CHD7: variants seen among roughly 807,000 people sequenced by gnomAD.
The protein encoded by CHD7 is chromodomain helicase DNA binding protein 7, also known as ATP-dependent chromatin remodeler CHD7.
A neutral mutation model predicts 307.3 loss-of-function variants in CHD7; 24 were observed. That is an observed-to-expected ratio of 0.08 (90% CI 0.06 to 0.11). The LOEUF is 0.11. CHD7 is among the 10% of genes least tolerant of loss of function. The pLI is 1.00. For missense variants in CHD7, 3,106 were observed against 3,727.1 expected (o/e 0.83, Z 4.34); for synonymous variants, 1,363 against 1,349.9 (o/e 1.01, Z -0.21).
chr8:60,700,310 A>G (rs1806697998), intron 1 of CHD7, among the ~76,000 whole-genome samples: 1 of 152,200 alleles, frequency 6.6e-6, no homozygotes, highest in Non-Finnish European at 1.5e-5. Context: ...TTACCATCTT[A>G]GAGTAATTAT....
At chr8:60,797,792 G>A (rs1812101366) in intron 4 of CHD7, among the ~76,000 whole-genome samples, 2 of 152,164 alleles carry the variant, frequency 1.3e-5, no homozygotes, top group South Asian at 4.1e-4. Context: ...GAAATTGGTG[G>A]TCCAGAAGTG....
chr8:60,737,651 A>G (rs1019259115), intron 1 of CHD7, among the ~76,000 whole-genome samples: 1 of 152,214 alleles, frequency 6.6e-6, no homozygotes, highest in African/African-American at 2.4e-5. Context: ...TTTAGTTCAC[A>G]TCTCAGAAAA....
At chr8:60,841,603 G>A in intron 19 of CHD7, 41 bp from the exon 20 acceptor site, 1 of 1,480,518 alleles carries the variant, frequency 6.8e-7, no homozygotes, top group Non-Finnish European at 9.4e-7. Context: ...CTGCTTCTGA[G>A]AAAGGCCTCT....
intron 1 of CHD7, among the ~76,000 whole-genome samples, chr8:60,732,721 A>AT (rs781762575): frequency 1.3e-5 from 2 of 152,186 alleles, no homozygotes; most frequent in Non-Finnish European, 2.9e-5. Flanking sequence ...ATTAAGCAAG[A>AT]TACATACTAG....
At chr8:60,811,329 A>G (rs1042399028) in intron 7 of CHD7, among the ~76,000 whole-genome samples, 6 of 152,188 alleles carry the variant, frequency 3.9e-5, no homozygotes, top group African/African-American at 9.7e-5. Flanking sequence ...ATTCCTGCTT[A>G]CTTCCTTACT....
intron 3 of CHD7, among the ~76,000 whole-genome samples, chr8:60,785,009 G>A (rs908410718): frequency 6.6e-6 from 1 of 152,092 alleles, no homozygotes; most frequent in African/African-American, 2.4e-5. Flanking sequence ...AAATAACAGC[G>A]AAAACATTTG....
rs80181206 is a variant in CHD7 at position 60,847,956 on chromosome 8, C to T, written c.5211-559C>T. ...AGCAAGGACACACCTTCTACCCCAC[C>T]CTGTCACCATCTTCCTTTCTCGGAA... On this transcript the variant is annotated intron_variant, in intron 23 of 37. Coordinates refer to ENST00000423902, the MANE Select transcript of CHD7 (RefSeq NM_017780.4). Among the ~76,000 whole-genome samples, 8 of 152,076 alleles carry T rather than the reference C, an allele frequency of 5.3e-5. No homozygotes were observed. In the East Asian group the frequency reaches 1.5e-3, roughly 29 times the overall value.
chr8:60,680,407 G>C (rs1222827425), intron 1 of CHD7, among the ~76,000 whole-genome samples: 1 of 128,688 alleles, frequency 7.8e-6, no homozygotes, highest in Non-Finnish European at 1.7e-5. Flanking sequence ...GCGGGGGGGG[G>C]GGGCGGGGGC....
intron 2 of CHD7, among the ~76,000 whole-genome samples, chr8:60,744,370 A>G (rs1427973824): frequency 1.3e-5 from 2 of 151,970 alleles, no homozygotes; most frequent in Non-Finnish European, 2.9e-5. Context: ...GCCTTTGAGG[A>G]CAGTTTGGAC....
chr8:60,726,608 T>C (rs919428308), intron 1 of CHD7, among the ~76,000 whole-genome samples: 2 of 152,356 alleles, frequency 1.3e-5, no homozygotes, highest in African/African-American at 4.8e-5. Context: ...TAATTTGGCC[T>C]GATGAATTAA....
intron 2 of CHD7, among the ~76,000 whole-genome samples, chr8:60,764,403 T>A (rs942402181): frequency 1.7e-4 from 26 of 152,330 alleles, no homozygotes; most frequent in African/African-American, 5.1e-4. Flanking sequence ...TTGAGATAGT[T>A]CAACTGCTAC....
In CHD7 at chr8:60,687,503, G is replaced by A. The variant is rs140771159; in HGVS notation, c.-175+8421G>A. On this transcript the variant is annotated intron_variant, in intron 1 of 37. Transcript: ENST00000423902. The stretch of plus-strand genomic sequence containing the variant: ...AATTTTGCTTTCATTAATCTCAAGT[G>A]TACCGATCTTGCAAGAAAAATCATA... 2.7e-3 allele frequency among the ~76,000 whole-genome samples: 407 copies of A among 152,278 alleles called. 2 individuals are homozygous for A. The highest frequency in any genetic ancestry group is 8.9e-3 in the African/African-American group (370 of 41,560).
At chr8:60,693,576 C>T (rs1052892201) in intron 1 of CHD7, among the ~76,000 whole-genome samples, 1 of 152,206 alleles carries the variant, frequency 6.6e-6, no homozygotes, top group Non-Finnish European at 1.5e-5. Context: ...CCCTGGCCTC[C>T]TCAGCTATCG....
intron 2 of CHD7, among the ~76,000 whole-genome samples, chr8:60,757,448 A>C (rs1275192327): frequency 6.6e-6 from 1 of 152,224 alleles, no homozygotes; most frequent in Non-Finnish European, 1.5e-5. Flanking sequence ...ATGCATTAAA[A>C]TGTGTTTGTC....
At chr8:60,851,191 C>G (rs1290272729) in intron 27 of CHD7, 71 bp from the exon 28 acceptor site, 10 of 1,490,102 alleles carry the variant, frequency 6.7e-6, no homozygotes, top group East Asian at 4.9e-5. Flanking sequence ...AGATAATGAC[C>G]TTTTCTTTAA....
At chr8:60,850,353 A>T in intron 25 of CHD7, 140 bp from the exon 26 acceptor site, 1 of 1,040,632 alleles carries the variant, frequency 9.6e-7, no homozygotes, top group Non-Finnish European at 1.4e-6. Flanking sequence ...ATCTACTAAA[A>T]CAAGGTCCAC....
At chr8:60,745,977 G>A (rs1463789426) in intron 2 of CHD7, among the ~76,000 whole-genome samples, 1 of 152,146 alleles carries the variant, frequency 6.6e-6, no homozygotes, top group African/African-American at 2.4e-5. Flanking sequence ...CTCCTGAAGT[G>A]CAAACCTTGC....
At chr8:60,833,267 G>C (rs1373817795) in intron 15 of CHD7, among the ~76,000 whole-genome samples, 1 of 152,206 alleles carries the variant, frequency 6.6e-6, no homozygotes, top group Non-Finnish European at 1.5e-5. Flanking sequence ...TGTATGAGTT[G>C]AAAGCTTATG....
chr8:60,781,777 G>C (rs1440526848), intron 3 of CHD7, among the ~76,000 whole-genome samples: 2 of 152,150 alleles, frequency 1.3e-5, no homozygotes, highest in Non-Finnish European at 2.9e-5. Context: ...ATATAAAACT[G>C]GATAAGAAGG....
Sources: allele counts gnomAD v4.1 joint callset (sites outside exome capture counted in the v4.1 genomes callset), GRCh38; gene constraint gnomAD v4.1.1; transcripts MANE v1.5; gene names NCBI Gene and HGNC (gene_info 2026-07-23, HGNC 2026-07-21).